KIF6: variants seen among roughly 807,000 people sequenced by gnomAD.
The protein encoded by KIF6 is kinesin-like protein KIF6.
Under a neutral mutation model 112.7 loss-of-function variants are expected in KIF6, and 106 were observed. The observed-to-expected ratio is 0.94, with a 90% CI of 0.80 to 1.11. KIF6 has a LOEUF of 1.11. KIF6 is among the 50% of genes least tolerant of loss of function. The pLI, the probability that KIF6 is intolerant of heterozygous loss-of-function variation, is 0.00. For missense variants in KIF6, 929 were observed against 964.0 expected (o/e 0.96, Z 0.48); for synonymous variants, 339 against 339.9 (o/e 1.00, Z 0.03).
At chr6:39,536,073 G>A (rs1053295041) in intron 13 of KIF6, among the ~76,000 whole-genome samples, 1 of 151,668 alleles carries the variant, frequency 6.6e-6, no homozygotes, top group Non-Finnish European at 1.5e-5. Context: ...AGTGTGTAGA[G>A]GGAAATTTAT....
intron 17 of KIF6, among the ~76,000 whole-genome samples, chr6:39,361,757 T>G (rs555820032): frequency 6.8e-6 from 1 of 147,990 alleles, no homozygotes; most frequent in East Asian, 2.0e-4. Flanking sequence ...CCTGGGGCTT[T>G]GATCTCCTGG....
intron 15 of KIF6, among the ~76,000 whole-genome samples, chr6:39,419,486 C>T (rs150269729): frequency 6.6e-6 from 1 of 152,220 alleles, no homozygotes; most frequent in East Asian, 1.9e-4. Context: ...TGGGAAGGCA[C>T]GATGGCTTGT....
intron 3 of KIF6, 91 bp downstream of exon 3, chr6:39,714,601 G>C: frequency 1.2e-6 from 1 of 800,730 alleles, no homozygotes; most frequent in Non-Finnish European, 2.1e-6. Context: ...GTATATAATT[G>C]ATACACTTAA....
chr6:39,551,172 G>A (rs2150578650), intron 10 of KIF6, among the ~76,000 whole-genome samples: 1 of 152,186 alleles, frequency 6.6e-6, no homozygotes, highest in Non-Finnish European at 1.5e-5. Flanking sequence ...ACTCCATACT[G>A]AAATCCTGTC....
chr6:39,436,795 A>T (rs995025659), intron 13 of KIF6, among the ~76,000 whole-genome samples: 1 of 152,178 alleles, frequency 6.6e-6, no homozygotes, highest in African/African-American at 2.4e-5. Context: ...GAAATCTGGT[A>T]ATGTAATTCC....
intron 15 of KIF6, among the ~76,000 whole-genome samples, chr6:39,398,041 G>A (rs1386677307): frequency 6.6e-6 from 1 of 152,212 alleles, no homozygotes; most frequent in African/African-American, 2.4e-5. Flanking sequence ...CCAAGGGATA[G>A]TAAATGGAGG....
At chr6:39,591,468 T>C (rs1781950302) in intron 7 of KIF6, among the ~76,000 whole-genome samples, 1 of 152,214 alleles carries the variant, frequency 6.6e-6, no homozygotes, top group South Asian at 2.1e-4. Flanking sequence ...TAAAGATTAA[T>C]AGAGATTATT....
At chr6:39,379,875 C>G (rs1766774473) in intron 16 of KIF6, among the ~76,000 whole-genome samples, 1 of 152,182 alleles carries the variant, frequency 6.6e-6, no homozygotes, top group Admixed American at 6.5e-5. Context: ...CACAGCGGAG[C>G]AAAGTTAGGC....
chr6:39,638,212 G>T (rs1458135662), intron 4 of KIF6, among the ~76,000 whole-genome samples: 1 of 152,036 alleles, frequency 6.6e-6, no homozygotes, highest in Non-Finnish European at 1.5e-5. Flanking sequence ...CTGTGTGCAA[G>T]AATCTGGACA....
intron 5 of KIF6, among the ~76,000 whole-genome samples, chr6:39,632,262 G>A (rs1258443078): frequency 2.0e-5 from 3 of 152,066 alleles, no homozygotes; most frequent in Non-Finnish European, 4.4e-5. Flanking sequence ...GTCACTCAAC[G>A]GTAAGGAAGC....
intron 3 of KIF6, among the ~76,000 whole-genome samples, chr6:39,642,620 G>T (rs1784967856): frequency 6.6e-6 from 1 of 151,844 alleles, no homozygotes; most frequent in Non-Finnish European, 1.5e-5. Context: ...GGTGTTTGTT[G>T]AAAAAAAATC....
chr6:39,370,355 T>C (rs1765873864), intron 16 of KIF6, among the ~76,000 whole-genome samples: 2 of 152,280 alleles, frequency 1.3e-5, no homozygotes, highest in South Asian at 4.1e-4. Flanking sequence ...TGAAGATGGT[T>C]AGTAGGGTTC....
chr6:39,639,515 C>T, intron 4 of KIF6, 95 bp downstream of exon 4: 1 of 1,011,692 alleles, frequency 9.9e-7, no homozygotes. Context: ...ATCATTTAGA[C>T]ACAATAAAAT....
Position 39,725,400 on chromosome 6 carries a change from A to G in KIF6, c.-90T>C. On this transcript the variant is annotated 5_prime_UTR_variant, in exon 1 of 23. Transcript: ENST00000287152. Reference sequence around the variant, plus strand: ...ACCACCTCCGGCGACCCACAGTCTTAGCAACAGTAGCTAGGGACACTACCC... The same window carrying G: ...ACCACCTCCGGCGACCCACAGTCTTGGCAACAGTAGCTAGGGACACTACCC... 1.0e-6 allele frequency: 1 copy of G among 991,944 alleles called. No individual in the cohort carries two copies. The allele number at this position is 991,944 out of a possible 1,614,324, so 61.4% of individuals were successfully genotyped here.
intron 3 of KIF6, among the ~76,000 whole-genome samples, chr6:39,665,841 A>T (rs1431359483): frequency 2.0e-5 from 3 of 152,102 alleles, no homozygotes; most frequent in Non-Finnish European, 4.4e-5. Context: ...GTGTCTATTA[A>T]ATTTTCCCAT....
chr6:39,564,706 T>C (rs543826296), intron 10 of KIF6, among the ~76,000 whole-genome samples: 1 of 152,326 alleles, frequency 6.6e-6, no homozygotes, highest in South Asian at 2.1e-4. Context: ...GTAAGTTGGA[T>C]GTATACTGCG....
chr6:39,684,790 GA>G (rs758624260), intron 3 of KIF6, among the ~76,000 whole-genome samples: 160 of 132,724 alleles, frequency 1.2e-3, no homozygotes, highest in East Asian at 1.5e-3. Flanking sequence ...ACTCTGTCTC[GA>G]AAAAAAAAAA....
chr6:39,388,674 C>T (rs1562163616), intron 15 of KIF6, among the ~76,000 whole-genome samples: 2 of 151,668 alleles, frequency 1.3e-5, no homozygotes, highest in East Asian at 3.9e-4. Flanking sequence ...TGGGTTTTGG[C>T]AAAAAAAGGA....
At chr6:39,701,415 A>C (rs987646494) in intron 3 of KIF6, among the ~76,000 whole-genome samples, 1 of 152,212 alleles carries the variant, frequency 6.6e-6, no homozygotes, top group Non-Finnish European at 1.5e-5. Flanking sequence ...AGGTGTATAC[A>C]GCGGGCCAAA....
Sources: gnomAD v4.1 joint callset for allele counts (sites outside exome capture counted in the v4.1 genomes callset) on GRCh38, gnomAD v4.1.1 for gene constraint, MANE v1.5 for transcripts, NCBI Gene and HGNC (gene_info 2026-07-23, HGNC 2026-07-21) for gene names.